Variants in DLGAP2 observed in about 807,000 individuals in gnomAD.
DLGAP2 encodes disks large-associated protein 2.
In DLGAP2, 26 loss-of-function variants were observed where a neutral mutation model predicts 100.3. The ratio of observed to expected loss-of-function variants is 0.26; its 90% CI spans 0.19 to 0.36. The LOEUF (loss-of-function observed/expected upper bound fraction) is 0.36. Among genes scored for constraint, DLGAP2 ranks in the 10% least tolerant of loss-of-function variants. The pLI, the probability that DLGAP2 is intolerant of heterozygous loss-of-function variation, is 1.00. For synonymous variants in DLGAP2, 886 were observed against 630.1 expected (o/e 1.41, Z -6.08); for missense variants, 1,858 against 1,453.2 (o/e 1.28, Z -4.53).
chr8:1,317,763 A>G (rs1250610452), intron 3 of DLGAP2, among the ~76,000 whole-genome samples: 1 of 100,492 alleles, frequency 1.0e-5, no homozygotes, highest in Non-Finnish European at 2.0e-5. Flanking sequence ...TCTCTCCAAC[A>G]GTGGTCTACA....
chr8:1,582,780 A>G (rs117446795), intron 6 of DLGAP2, among the ~76,000 whole-genome samples: 3,632 of 152,222 alleles, frequency 0.024, 75 homozygotes, highest in Middle Eastern at 0.12. Flanking sequence ...TATTTTTAGT[A>G]GAGACAAGAG....
intron 3 of DLGAP2, among the ~76,000 whole-genome samples, chr8:1,483,707 C>CAGGAGGTGGGGACCAGGGAGGCAGGTGT (rs1554481350): frequency 0.031 from 4,599 of 150,712 alleles, 281 homozygotes; most frequent in African/African-American, 0.11. Flanking sequence ...GAGGCAGGTG[C>CAGGAGGTGGGGACCAGGGAGGCAGGTGT]AGGACGTGGG....
intron 3 of DLGAP2, among the ~76,000 whole-genome samples, chr8:1,344,104 G>A (rs12542648): frequency 8.0e-4 from 49 of 60,958 alleles, no homozygotes; most frequent in African/African-American, 1.1e-3. Context: ...CCCTGTCGTG[G>A]GTCCATGTAT....
intron 2 of DLGAP2, among the ~76,000 whole-genome samples, chr8:1,012,077 C>T (rs1231037756): frequency 6.6e-6 from 1 of 152,138 alleles, no homozygotes; most frequent in Non-Finnish European, 1.5e-5. Flanking sequence ...CATGCATGGC[C>T]CGTGTCGCAG....
chr8:1,602,737 G>A (rs970466261), intron 6 of DLGAP2, among the ~76,000 whole-genome samples: 11 of 152,330 alleles, frequency 7.2e-5, no homozygotes, highest in African/African-American at 2.4e-4. Flanking sequence ...TGTCTCTTGA[G>A]CTCCTCCATG....
At chr8:795,080 T>C (rs1795996204) in intron 1 of DLGAP2, among the ~76,000 whole-genome samples, 2 of 152,318 alleles carry the variant, frequency 1.3e-5, no homozygotes, top group Middle Eastern at 3.4e-3. Context: ...ACTGTTTAGA[T>C]ACCTGACTGC....
rs143133429 is a variant in DLGAP2, at chr8:1,585,869, C to G, written c.1442+19975C>G. ...TGTGAAGTGGAGTGTCACTCTGTCT[C>G]TGGCATGTCCATCGCCAGGGGTTTC... is the stretch of plus-strand genomic sequence containing the variant. On this transcript the variant is annotated intron_variant, in intron 6 of 14. Transcript: ENST00000637795. Among the ~76,000 whole-genome samples, 10 of 152,150 alleles carry G rather than the reference C, an allele frequency of 6.6e-5. No homozygotes were observed. In the East Asian group the frequency reaches 1.7e-3, roughly 26 times the overall value.
intron 6 of DLGAP2, among the ~76,000 whole-genome samples, chr8:1,568,495 G>A (rs1402390256): frequency 6.6e-4 from 78 of 118,646 alleles, no homozygotes; most frequent in African/African-American, 2.0e-3. Context: ...GTCTCTGCCC[G>A]TGGCCCCCAT....
chr8:1,496,861 C>T (rs1463517090), intron 3 of DLGAP2, among the ~76,000 whole-genome samples: 1 of 152,210 alleles, frequency 6.6e-6, no homozygotes, highest in Non-Finnish European at 1.5e-5. Flanking sequence ...TGGGTGTTGA[C>T]TCCAAGGAAG....
chr8:1,117,762 C>G (rs949669615), intron 2 of DLGAP2, among the ~76,000 whole-genome samples: 1 of 152,190 alleles, frequency 6.6e-6, no homozygotes, highest in Non-Finnish European at 1.5e-5. Flanking sequence ...GGGGCTCCCC[C>G]AGGAGAGCAG....
intron 6 of DLGAP2, among the ~76,000 whole-genome samples, chr8:1,601,870 G>A (rs558315469): frequency 6.6e-6 from 1 of 152,080 alleles, no homozygotes; most frequent in African/African-American, 2.4e-5. Context: ...CACCTGTTCA[G>A]TGAGACATTT....
chr8:1,066,687 A>G (rs1247341199), intron 2 of DLGAP2, among the ~76,000 whole-genome samples: 1 of 152,180 alleles, frequency 6.6e-6, no homozygotes, highest in Non-Finnish European at 1.5e-5. Context: ...GTTCCCCACC[A>G]TGGTCAAGTC....
chr8:1,222,890 C>G (rs563389785), intron 2 of DLGAP2, among the ~76,000 whole-genome samples: 2 of 152,244 alleles, frequency 1.3e-5, no homozygotes, highest in Admixed American at 6.5e-5. Context: ...ATCCCAGGAG[C>G]CGGCCAGCCG....
chr8:1,060,235 C>T (rs1005011089), intron 2 of DLGAP2, among the ~76,000 whole-genome samples: 1 of 152,176 alleles, frequency 6.6e-6, no homozygotes. Flanking sequence ...TGTACTGTCT[C>T]GCAGTTCTGG....
At chr8:899,098 T>G (rs758060858) in intron 1 of DLGAP2, among the ~76,000 whole-genome samples, 2 of 152,210 alleles carry the variant, frequency 1.3e-5, no homozygotes, top group Non-Finnish European at 2.9e-5. Context: ...ATCCCAGTGC[T>G]GGTGAGATCC....
intron 6 of DLGAP2, among the ~76,000 whole-genome samples, chr8:1,568,635 T>A (rs1307662797): frequency 1.4e-4 from 14 of 101,082 alleles, no homozygotes; most frequent in East Asian, 3.4e-4. Flanking sequence ...CACAAATCCG[T>A]CTCTGCCCGT....
chr8:1,373,168 G>A (rs1228021286), intron 3 of DLGAP2, among the ~76,000 whole-genome samples: 1 of 152,298 alleles, frequency 6.6e-6, no homozygotes, highest in African/African-American at 2.4e-5. Context: ...TGCTTTGGCC[G>A]TTGGAGCGTT....
At chr8:1,082,428 G>A (rs561774907) in intron 2 of DLGAP2, among the ~76,000 whole-genome samples, 1 of 152,154 alleles carries the variant, frequency 6.6e-6, no homozygotes, top group Non-Finnish European at 1.5e-5. Flanking sequence ...CAGCCAACAC[G>A]GGATACTAAT....
rs931702724 is a variant in DLGAP2, at chr8:1,496,643, T to C, written c.107-4723T>C. Among the ~76,000 whole-genome samples the C allele has an allele frequency of 2.0e-5, 3 of 152,200 alleles. No individual in the cohort carries two copies. In the East Asian group the frequency reaches 5.8e-4, roughly 29 times the overall value. On this transcript the variant is annotated intron_variant, in intron 3 of 14. Coordinates refer to ENST00000637795, the MANE Select transcript of DLGAP2 (RefSeq NM_001346810.2). ...TGATTAAGGGCCATCACAGACCCTC[T>C]CAGATCCACCCAGACCCCTCTGGGC...
Sources: allele counts gnomAD v4.1 joint callset (sites outside exome capture counted in the v4.1 genomes callset), GRCh38; gene constraint gnomAD v4.1.1; transcripts MANE v1.5; gene names NCBI Gene and HGNC (gene_info 2026-07-23, HGNC 2026-07-21).